Variants in ITGAD observed in about 807,000 individuals in gnomAD.
ITGAD encodes integrin alpha-D.
ITGAD carries 105 observed loss-of-function variants against 139.0 expected under a neutral mutation model. The ratio of observed to expected loss-of-function variants is 0.76; its 90% CI spans 0.65 to 0.89. The LOEUF (loss-of-function observed/expected upper bound fraction) is 0.89. ITGAD is among the 40% of genes least tolerant of loss of function. ITGAD has a pLI of 0.00. For missense variants in ITGAD, 1,384 were observed against 1,487.3 expected (o/e 0.93, Z 1.14); for synonymous variants, 569 against 598.3 (o/e 0.95, Z 0.71).
chr16:31,422,516 T>C (rs1467981549), intron 23 of ITGAD, among the ~76,000 whole-genome samples: 11 of 152,170 alleles, frequency 7.2e-5, no homozygotes, highest in Non-Finnish European at 1.5e-4. Flanking sequence ...TCTTCCTGAG[T>C]GATCCAGCTC....
Position 31,418,534 on chromosome 16 carries a change from T to C in ITGAD, c.2750T>C (p.Val917Ala). 6.2e-7 allele frequency: 1 copy of C among 1,613,974 alleles called. No homozygotes were observed. Among genetic ancestry groups the C allele is most frequent in the Non-Finnish European group, 8.5e-7 (1 of 1,179,970 alleles). The change falls in exon 23 of 30, where the codon GTG becomes GCG. Residue 917 changes from valine to alanine, a missense_variant. Coordinates refer to ENST00000389202, the MANE Select transcript of ITGAD (RefSeq NM_005353.3). ...SKATFQLELP[V>A]KYAVYTMISR... is the part of the protein sequence containing the mutation. ...GCCACCTTCCAGCTGGAGCTCCCGGTGAAGTATGCAGTCTACACCATGATC... is the reference window on the plus strand; with the variant it reads ...GCCACCTTCCAGCTGGAGCTCCCGGCGAAGTATGCAGTCTACACCATGATC...
chr16:31,425,959 G>C lies in ITGAD; in HGVS notation c.3373-56G>C, dbSNP rs1291469755. The C allele has an allele frequency of 6.1e-6, 7 of 1,143,578 alleles. No homozygotes were observed. The South Asian group carries it at 6.3e-5, about 10-fold the overall frequency. 70.8% of individuals were successfully genotyped at this position (1,143,578 alleles called of 1,614,324 possible). On this transcript the variant is annotated intron_variant, in intron 29 of 29. Transcript: ENST00000389202. The stretch of plus-strand genomic sequence containing the variant: ...GCTTCCCACAGTGCTGAGATTACAG[G>C]TGTGAGCCACCGGGCCCGGACTTAC...
Position 31,414,950 on chromosome 16 carries a change from C to A in ITGAD, c.2242C>A (p.Pro748Thr). 1 of 1,614,168 alleles carries A rather than the reference C, an allele frequency of 6.2e-7. No homozygotes were observed. ...CATCCCCTCCCCCCAGAACCTGCGT[C>A]CTGTGCTGGCCGTGGGCTCACAAGA... ...EPIPSPQNLR[P>T]VLAVGSQDLF... Residue 748 changes from proline to threonine, a missense_variant, in exon 18 of 30, where the codon CCT becomes ACT. Transcript: ENST00000389202.
At chr16:31,398,617 G>A (rs1438584039) in intron 5 of ITGAD, among the ~76,000 whole-genome samples, 1 of 151,634 alleles carries the variant, frequency 6.6e-6, no homozygotes, top group Non-Finnish European at 1.5e-5. Context: ...GAGTAGTTGG[G>A]ACTGCAGGTA....
chr16:31,414,526 A>G lies in ITGAD; in HGVS notation c.2072A>G (p.Glu691Gly), dbSNP rs758921387. ...CTGACTTCTCGTGCCATTTTCAATG[A>G]AACCAAGAACCCCACTTTGACTCGA... is the stretch of plus-strand genomic sequence containing the variant. ...GRLTSRAIFN[E>G]TKNPTLTRRK... Residue 691 changes from glutamate to glycine, a missense_variant, in exon 17 of 30, where the codon GAA becomes GGA. Coordinates refer to ENST00000389202, the MANE Select transcript of ITGAD (RefSeq NM_005353.3). The G allele has an allele frequency of 6.2e-7, 1 of 1,614,100 alleles. No homozygotes were observed. The highest frequency in any genetic ancestry group is 1.3e-5 in the African/African-American group (1 of 74,934).
At position 31,407,929 on chromosome 16, in the gene ITGAD, A is replaced by G; in HGVS notation, c.1009+13A>G. The G allele has an allele frequency of 6.4e-7, 1 of 1,568,426 alleles. No homozygotes were observed. Among genetic ancestry groups the G allele is most frequent in the Non-Finnish European group, 8.7e-7 (1 of 1,150,058 alleles). Reference sequence around the variant, plus strand: ...TATGCAGTTGAGGGTAAATGGAAGCAAGGGTGCGCCTGGGAGCCAAGGGGT... The same window carrying G: ...TATGCAGTTGAGGGTAAATGGAAGCGAGGGTGCGCCTGGGAGCCAAGGGGT... On this transcript the variant is annotated intron_variant, in intron 9 of 29. Transcript: ENST00000389202.
intron 26 of ITGAD, 38 bp from the exon 27 acceptor site, chr16:31,423,807 G>GGAA: frequency 6.2e-7 from 1 of 1,608,316 alleles, no homozygotes; most frequent in South Asian, 1.1e-5. Flanking sequence ...CCCTCCTCAG[G>GGAA]GAAGAACCCC....
chr16:31,397,706 C>CGCGG, intron 4 of ITGAD, 40 bp downstream of exon 4: 6 of 299,958 alleles, frequency 2.0e-5, no homozygotes, highest in Non-Finnish European at 3.3e-5. Flanking sequence ...TGGGGTGGGG[C>CGCGG]GGGGGGTGTT....
rs551633211 is a variant in ITGAD, at chr16:31,419,199, A to C, written c.2780+635A>C. Among the ~76,000 whole-genome samples, 126 of 150,830 alleles carry C rather than the reference A, an allele frequency of 8.4e-4. No individual in the cohort carries two copies. The South Asian group carries it at 0.016, about 20-fold the overall frequency. On this transcript the variant is annotated intron_variant, in intron 23 of 29. Transcript: ENST00000389202. Reference sequence around the variant, plus strand: ...TAGAGCAAGATTCTGTCTCAAACAAAAAAAAAAAAAAAAGGTGTTTTTGTC... The same window carrying C: ...TAGAGCAAGATTCTGTCTCAAACAACAAAAAAAAAAAAAGGTGTTTTTGTC...
At chr16:31,404,884 C>T (rs898306440) in intron 7 of ITGAD, among the ~76,000 whole-genome samples, 2 of 151,646 alleles carry the variant, frequency 1.3e-5, no homozygotes, top group Admixed American at 6.6e-5. Context: ...CCTTCCCTCC[C>T]TCACTTCATT....
Position 31,397,442 on chromosome 16 carries a change from G to T in ITGAD, c.221G>T (p.Cys74Phe), listed in dbSNP as rs1049680682. 6.3e-7 allele frequency: 1 copy of T among 1,598,432 alleles called. No homozygotes were observed. The highest frequency in any genetic ancestry group is 1.3e-5 in the African/African-American group (1 of 74,682). The stretch of plus-strand genomic sequence containing the variant: ...GACTGCGCAGCTGCCACCGGCATGT[G>T]CCAGCCCATCCCGCTGCACAGTGAG... ...LYDCAAATGM[C>F]QPIPLHIRPE... Residue 74 changes from cysteine (C) to phenylalanine (F), a missense_variant, in exon 3 of 30, where the codon TGC (cysteine) becomes TTC (phenylalanine). Cys to Phe is a radical substitution (Grantham distance 205). Transcript: ENST00000389202.
chr16:31,407,800 A>G lies in ITGAD; in HGVS notation c.893A>G (p.Gln298Arg). Residue 298 changes from glutamine (Q) to arginine (R), a missense_variant, in exon 9 of 30, where the codon CAG becomes CGG. Gln to Arg is a conservative substitution (Grantham distance 43). Coordinates refer to ENST00000389202, the MANE Select transcript of ITGAD (RefSeq NM_005353.3). ...GHAFQGPTAR[Q>R]ELNTISSAPP... ...GCTTTCCAGGGACCCACTGCCAGGC[A>G]GGAGCTGAATACCATCAGCTCAGCG... 1.2e-6 allele frequency: 2 copies of G among 1,613,984 alleles called. No individual in the cohort carries two copies. The highest frequency in any genetic ancestry group is 2.7e-5 in the African/African-American group (2 of 75,034).
Position 31,426,262 on chromosome 16 carries a change from G to T in ITGAD, c.*134G>T. 1.6e-6 allele frequency: 1 copy of T among 628,828 alleles called. No individual in the cohort carries two copies. The highest frequency in any genetic ancestry group is 1.8e-5 in the African/African-American group (1 of 54,732). The allele number at this position is 628,828 out of a possible 1,614,324, so 39.0% of individuals were successfully genotyped here. The stretch of plus-strand genomic sequence containing the variant: ...CCTACCAGGTGCTAAGCACCTTCTC[G>T]GAGAGATAGAGATTGTAATGTTTTT... On this transcript the variant is annotated 3_prime_UTR_variant, in exon 30 of 30. Transcript: ENST00000389202.
rs766566213 is a variant in ITGAD at position 31,423,412 on chromosome 16, C to T, written c.2920C>T (p.Leu974=). 5.6e-6 allele frequency: 9 copies of T among 1,614,184 alleles called. No homozygotes were observed. Among genetic ancestry groups the T allele is most frequent in the Non-Finnish European group, 6.8e-6 (8 of 1,180,028 alleles). ...CATTAACTTCTGGGTTCCTGTCCTG[C>T]TGAACGGGGTGGCTGTGTGGGATGT... ...ISINFWVPVL[L]NGVAVWDVVM... is the part of the protein sequence containing the mutation. The change falls in exon 25 of 30, where the codon CTG becomes TTG. Residue 974 remains leucine (L), a synonymous_variant. Transcript: ENST00000389202.
At position 31,411,153 on chromosome 16, in the gene ITGAD, G is replaced by T; in HGVS notation, c.1434G>T (p.Gly478=). 6.2e-7 allele frequency: 1 copy of T among 1,613,986 alleles called. No individual in the cohort carries two copies. The highest frequency in any genetic ancestry group is 2.2e-5 in the East Asian group (1 of 44,886). Residue 478 remains glycine, a synonymous_variant, in exon 13 of 30, where the codon GGG becomes GGT. Coordinates refer to ENST00000389202, the MANE Select transcript of ITGAD (RefSeq NM_005353.3). ...GCAGCACCGACCTGATCCTCATTGG[G>T]GCCCCCCATTACTATGAGCAGACCC... ...SDGSTDLILI[G]APHYYEQTRG...
intron 29 of ITGAD, among the ~76,000 whole-genome samples, chr16:31,425,484 G>A (rs1018800077): frequency 2.6e-5 from 4 of 152,172 alleles, no homozygotes; most frequent in Admixed American, 6.5e-5. Context: ...GTCCTGCCAC[G>A]GGTCGTGTGT....
At position 31,418,116 on chromosome 16, in the gene ITGAD, A is replaced by G. The variant is rs776610621; in HGVS notation, c.2541A>G (p.Thr847=). 1.5e-5 allele frequency: 24 copies of G among 1,614,002 alleles called. No individual in the cohort carries two copies. Among genetic ancestry groups the G allele is most frequent in the Admixed American group, 5.0e-5 (3 of 59,986 alleles). Residue 847 remains threonine, a synonymous_variant, in exon 21 of 30, where the codon ACA becomes ACG. Coordinates refer to ENST00000389202, the MANE Select transcript of ITGAD (RefSeq NM_005353.3). ...GTGCCCTGCGCCTGGCATGTGAGAC[A>G]GTGCCCACTGAGGATGAGGGCCTAA... The part of the protein sequence containing the change: ...HQSALRLACE[T]VPTEDEGLRS...
rs1312079015 is a variant in ITGAD at position 31,414,895 on chromosome 16, G to A, written c.2187G>A (p.Leu729=). 1.2e-6 allele frequency: 2 copies of A among 1,613,890 alleles called. No homozygotes were observed. Among genetic ancestry groups the A allele is most frequent in the African/African-American group, 2.7e-5 (2 of 74,836 alleles). The change falls in exon 18 of 30, where the codon CTG becomes CTA. Residue 729 remains leucine (L), a synonymous_variant. Transcript: ENST00000389202. ...CVEDVVSPII[L]HLNFSLVREP... ...AGGATGTGGTGAGCCCCATCATTCT[G>A]CACCTCAACTTCTCACTGGTGAGAG...
intron 20 of ITGAD, among the ~76,000 whole-genome samples, chr16:31,417,407 A>T (rs62051541): frequency 0.067 from 10,096 of 151,560 alleles, 503 homozygotes; most frequent in South Asian, 0.25. Context: ...TTATTTAAGA[A>T]ACACTTCCAG....
Sources: allele counts gnomAD v4.1 joint callset (sites outside exome capture counted in the v4.1 genomes callset), GRCh38; gene constraint gnomAD v4.1.1; transcripts MANE v1.5; gene names NCBI Gene and HGNC (gene_info 2026-07-23, HGNC 2026-07-21).